KCTD1: variants seen among roughly 807,000 people sequenced by gnomAD.
KCTD1 encodes the protein potassium channel tetramerization domain containing 1.
Under a neutral mutation model 66.0 loss-of-function variants are expected in KCTD1, and 24 were observed. That is an observed-to-expected ratio of 0.36 (90% CI 0.26 to 0.51). The LOEUF is 0.51. Ranked by LOEUF, KCTD1 falls within the 20% of genes least tolerant of loss-of-function variation. The pLI is 0.95. For synonymous variants in KCTD1, 511 were observed against 517.2 expected (o/e 0.99, Z 0.16); for missense variants, 943 against 1,205.2 (o/e 0.78, Z 3.22).
intron 2 of KCTD1, among the ~76,000 whole-genome samples, chr18:26,497,502 T>G (rs1598897735): frequency 6.6e-6 from 1 of 152,180 alleles, no homozygotes; most frequent in East Asian, 1.9e-4. Context: ...TTCCCAGAAA[T>G]TGGAAGGAGC....
intron 3 of KCTD1, among the ~76,000 whole-genome samples, chr18:26,467,089 T>TTAG (rs1295976166): frequency 6.6e-6 from 1 of 151,918 alleles, no homozygotes; most frequent in Non-Finnish European, 1.5e-5. Flanking sequence ...TACTCACTAA[T>TTAG]GTTTTAACAT....
At chr18:26,489,989 GA>G (rs1457999557) in intron 2 of KCTD1, among the ~76,000 whole-genome samples, 1 of 152,124 alleles carries the variant, frequency 6.6e-6, no homozygotes, top group East Asian at 1.9e-4. Flanking sequence ...GAAATACGAT[GA>G]AAAAACAGAG....
intron 2 of KCTD1, among the ~76,000 whole-genome samples, chr18:26,492,597 C>A (rs943944768): frequency 2.0e-5 from 3 of 148,074 alleles, no homozygotes; most frequent in Admixed American, 6.9e-5. Context: ...CAGAACAAGA[C>A]ACTGTCTCAA....
At position 26,548,237 on chromosome 18, in the gene KCTD1, G is replaced by A. The variant is rs1267812308; in HGVS notation, c.300C>T (p.Asp100=). ...CCTCGGGCTCCAGGGGCTCGTCCCA[G>A]TCCAGCCCCATCTCCTCCTCTTCCT... The part of the protein sequence containing the change: ...EEEEEEEMGL[D]WDEPLEPEDS... The change falls in exon 1 of 5, where the codon GAC becomes GAT. Residue 100 remains aspartate (D), a synonymous_variant. Transcript: ENST00000580059. 1.3e-6 allele frequency: 2 copies of A among 1,511,820 alleles called. No individual in the cohort carries two copies. The highest frequency in any genetic ancestry group is 5.1e-5 in the East Asian group (2 of 39,164). 93.7% of individuals were successfully genotyped at this position (1,511,820 alleles called of 1,614,324 possible). A position where few individuals can be genotyped will look rare whatever the true frequency, so the allele number is the denominator to read the frequency against.
At chr18:26,564,457 ATC>A (rs1459515320) in intron 1 of KCTD1, among the ~76,000 whole-genome samples, 2 of 151,996 alleles carry the variant, frequency 1.3e-5, no homozygotes, top group Non-Finnish European at 2.9e-5. Context: ...CTTCCTAGTT[ATC>A]TGTTAGGACC....
chr18:26,549,441 C>A (rs529357146), upstream of KCTD1: 1 of 985,526 alleles, frequency 1.0e-6, no homozygotes, highest in African/African-American at 1.7e-5. Context: ...TCCAGCCAGC[C>A]CCGGGAAGGA....
intron 1 of KCTD1, among the ~76,000 whole-genome samples, chr18:26,580,511 G>A (rs1478829490): frequency 2.0e-5 from 3 of 152,158 alleles, no homozygotes; most frequent in East Asian, 1.9e-4. Flanking sequence ...CTCAGCCTGC[G>A]TTGGTGTGGA....
Position 26,609,083 on chromosome 18 carries a change from CCTGGATTTATAGGATAAATCT to C in KCTD1, c.-16+20043_-16+20063del, listed in dbSNP as rs531223702. 6.2e-3 allele frequency among the ~76,000 whole-genome samples: 948 copies of C among 152,144 alleles called. 7 individuals are homozygous for C. The highest frequency in any genetic ancestry group is 0.02 in the Middle Eastern group (6 of 294). On this transcript the variant is annotated intron_variant, in intron 1 of 4. Transcript: ENST00000317932. ...AAAACTGGGGTTGTAACTCTTGTGTCCTGGATTTATAGGATAAATCTCTGGATTTATAGGATAAAACTCTCT... is the reference window on the plus strand; with the variant it reads ...AAAACTGGGGTTGTAACTCTTGTGTCCTGGATTTATAGGATAAAACTCTCT...
chr18:26,606,692 C>G (rs1256948677), intron 1 of KCTD1, among the ~76,000 whole-genome samples: 3 of 152,212 alleles, frequency 2.0e-5, no homozygotes, highest in African/African-American at 7.2e-5. Flanking sequence ...CCATCGAGCC[C>G]TTGGCTGACC....
chr18:26,491,976 G>A (rs1007969848), intron 2 of KCTD1, among the ~76,000 whole-genome samples: 7 of 152,178 alleles, frequency 4.6e-5, no homozygotes, highest in Non-Finnish European at 1.0e-4. Context: ...GGTGGGCATG[G>A]TGGCTGATGC....
intron 2 of KCTD1, among the ~76,000 whole-genome samples, chr18:26,491,769 A>G (rs773006005): frequency 2.0e-5 from 3 of 152,200 alleles, no homozygotes; most frequent in Non-Finnish European, 2.9e-5. Flanking sequence ...GCTAGGGAAT[A>G]AGGTGAAGGC....
At position 26,523,444 on chromosome 18, in the gene KCTD1, A is replaced by G. The variant is rs1191465183; in HGVS notation, c.1810-22194T>C. Among the ~76,000 whole-genome samples the G allele has an allele frequency of 2.0e-5, 3 of 152,168 alleles. No homozygotes were observed. The East Asian group carries it at 5.8e-4, about 29-fold the overall frequency. On this transcript the variant is annotated intron_variant, in intron 1 of 4. Coordinates refer to ENST00000580059, the MANE Select transcript of KCTD1 (RefSeq NM_001142730.3). Reference sequence around the variant, plus strand: ...ATAATAGTCCTCCCCCGGCCACCCAAAAGAGTTATTGTAGGGATCAAATAA... The same window carrying G: ...ATAATAGTCCTCCCCCGGCCACCCAGAAGAGTTATTGTAGGGATCAAATAA...
In KCTD1 at chr18:26,468,607, G is replaced by A. The variant is rs1190860009; in HGVS notation, c.2133+7908C>T. On this transcript the variant is annotated intron_variant, in intron 3 of 4. Coordinates refer to ENST00000580059, the MANE Select transcript of KCTD1 (RefSeq NM_001142730.3). This position sits in a 1 kb window ranked among gnomAD's most constrained non-coding sequence, Gnocchi z 4.8. Reference sequence around the variant, plus strand: ...AACACTTTGGGATGCTGAGGTGGGCGGATCATTTGAGGTCAGGAGTTTGAG... The same window carrying A: ...AACACTTTGGGATGCTGAGGTGGGCAGATCATTTGAGGTCAGGAGTTTGAG... Among the ~76,000 whole-genome samples the A allele has an allele frequency of 6.6e-5, 10 of 152,126 alleles. No individual in the cohort carries two copies. Among genetic ancestry groups the A allele is most frequent in the East Asian group, 1.9e-4 (1 of 5,184 alleles).
chr18:26,455,913 C>CAAGA lies in KCTD1; in HGVS notation c.2440-16_2440-13dup. 6.2e-7 allele frequency: 1 copy of CAAGA among 1,610,900 alleles called. No individual in the cohort carries two copies. Among genetic ancestry groups the CAAGA allele is most frequent in the Non-Finnish European group, 8.5e-7 (1 of 1,177,636 alleles). Reference sequence around the variant, plus strand: ...AACCTCTCGAGGACCTGCGAGGGAACAAGACAAGCATCCAGTTAGGGGTGA... The same window carrying CAAGA: ...AACCTCTCGAGGACCTGCGAGGGAACAAGAAAGACAAGCATCCAGTTAGGGGTGA... On this transcript the variant is annotated splice_polypyrimidine_tract_variant and intron_variant, in intron 4 of 4. Transcript: ENST00000580059.
At chr18:26,639,788 G>A (rs762698077) in intron 1 of KCTD1, among the ~76,000 whole-genome samples, 10 of 152,154 alleles carry the variant, frequency 6.6e-5, no homozygotes, top group Non-Finnish European at 1.3e-4. Context: ...ACCCTGGGTC[G>A]CATAGTTGGA....
At chr18:26,562,346 C>T (rs1985877933) in intron 1 of KCTD1, among the ~76,000 whole-genome samples, 1 of 150,868 alleles carries the variant, frequency 6.6e-6, no homozygotes, top group South Asian at 2.1e-4. Context: ...ACTTTCCTAC[C>T]TCAGTCTCCC....
upstream of KCTD1, among the ~76,000 whole-genome samples, chr18:26,644,848 A>C (rs1467576581): frequency 6.6e-6 from 1 of 152,098 alleles, no homozygotes; most frequent in Non-Finnish European, 1.5e-5. Flanking sequence ...CTTAGTGGGA[A>C]CAGTTGGAGA....
At chr18:26,507,761 G>A (rs1156879817) in intron 1 of KCTD1, among the ~76,000 whole-genome samples, 1 of 152,022 alleles carries the variant, frequency 6.6e-6, no homozygotes, top group South Asian at 2.1e-4. Flanking sequence ...TGAAGAAAAG[G>A]TGTCAGGAAC....
chr18:26,583,657 T>G (rs1236703847), intron 1 of KCTD1, among the ~76,000 whole-genome samples: 2 of 152,280 alleles, frequency 1.3e-5, no homozygotes, highest in Non-Finnish European at 2.9e-5. Flanking sequence ...TTATTTCATC[T>G]GATGCTGCTA....
Sources: gnomAD v4.1 joint callset for allele counts (sites outside exome capture counted in the v4.1 genomes callset) on GRCh38, gnomAD v4.1.1 for gene constraint, Gnocchi (gnomAD v3.1) non-coding constraint, MANE v1.5 for transcripts, NCBI Gene and HGNC (gene_info 2026-07-23, HGNC 2026-07-21) for gene names.